Variants in RAB36 observed in about 807,000 individuals in gnomAD.
RAB36 encodes the protein RAB36, member RAS oncogene family.
In RAB36, 33 loss-of-function variants were observed where a neutral mutation model predicts 39.3. The observed-to-expected ratio is 0.84, with a 90% CI of 0.64 to 1.12. RAB36 has a LOEUF of 1.12. RAB36 is among the 50% of genes most tolerant of loss of function. RAB36 has a pLI of 0.00. For synonymous variants in RAB36, 133 were observed against 140.2 expected, an observed-to-expected ratio of 0.95 and a Z score of 0.36; for missense variants, 308 against 355.3, an observed-to-expected ratio of 0.87 and a Z score of 1.07.
chr22:23,148,788 T>C (rs2070944517), intron 2 of RAB36, among the ~76,000 whole-genome samples: 1 of 152,234 alleles, frequency 6.6e-6, no homozygotes, highest in East Asian at 1.9e-4. Context: ...CATCCTGTAA[T>C]GACCATTGTG....
intron 2 of RAB36, among the ~76,000 whole-genome samples, chr22:23,147,643 A>G (rs144971181): frequency 1.6e-4 from 25 of 152,274 alleles, no homozygotes; most frequent in African/African-American, 5.8e-4. Context: ...TTGCTATTCT[A>G]TTTCTAGGAA....
downstream of RAB36, among the ~76,000 whole-genome samples, chr22:23,168,062 G>A (rs181056494): frequency 5.2e-3 from 786 of 152,166 alleles, 4 homozygotes; most frequent in Admixed American, 9.6e-3. Flanking sequence ...GTGTTGCCCA[G>A]GCTGCACTAA....
At chr22:23,154,062 C>G (rs1018970332) in intron 5 of RAB36, among the ~76,000 whole-genome samples, 1 of 152,062 alleles carries the variant, frequency 6.6e-6, no homozygotes, top group African/African-American at 2.4e-5. Context: ...TACCCCTTCC[C>G]TCTGCCTTCC....
At chr22:23,161,378 G>T in intron 10 of RAB36, 122 bp from the exon 11 acceptor site, 1 of 917,450 alleles carries the variant, frequency 1.1e-6, no homozygotes, top group Non-Finnish European at 1.7e-6. Flanking sequence ...GGCCATTCAG[G>T]CCTTGAACAG....
In RAB36 at chr22:23,163,094, A is replaced by G. The variant is rs1295548349; in HGVS notation, c.*1530A>G. ...GCCTGGCTAATTTTGTATTTTTAGT[A>G]GAGATGGGGTTTCTCCATGTTGGTC... On this transcript the variant is annotated 3_prime_UTR_variant, in exon 11 of 11. Coordinates refer to ENST00000263116, the MANE Select transcript of RAB36 (RefSeq NM_004914.5). The G allele has an allele frequency of 8.8e-6, 2 of 228,522 alleles. No homozygotes were observed. The highest frequency in any genetic ancestry group is 1.7e-5 in the Non-Finnish European group (2 of 114,886). 14.2% of individuals were successfully genotyped at this position (228,522 alleles called of 1,614,324 possible).
chr22:23,152,892 G>C lies in RAB36; in HGVS notation c.228-141G>C, dbSNP rs1451710358. The C allele has an allele frequency of 6.1e-5, 41 of 671,006 alleles. No homozygotes were observed. In the Middle Eastern group the frequency reaches 7.4e-4, roughly 12 times the overall value. The allele number at this position is 671,006 out of a possible 1,614,324, so 41.6% of individuals were successfully genotyped here. ...CCACATTGTCCTTGCTGGCTGCCCT[G>C]CCCACCCATGGCCTGCGTGGACCAT... On this transcript the variant is annotated intron_variant, in intron 4 of 10. Transcript: ENST00000263116.
intron 5 of RAB36, among the ~76,000 whole-genome samples, chr22:23,153,791 C>T (rs911743486): frequency 6.2e-5 from 9 of 144,458 alleles, no homozygotes; most frequent in African/African-American, 1.0e-4. Context: ...CCACTTCAAG[C>T]GAATCACCTG....
chr22:23,146,925 A>C (rs1880275685), intron 2 of RAB36, among the ~76,000 whole-genome samples: 2 of 152,200 alleles, frequency 1.3e-5, no homozygotes, highest in Non-Finnish European at 2.9e-5. Flanking sequence ...GCAGCCAGAC[A>C]GTCCTTGATG....
rs1364263466 is a variant in RAB36 at position 23,165,176 on chromosome 22, C to T, written c.*3612C>T. Among the ~76,000 whole-genome samples, 2 of 152,334 alleles carry T rather than the reference C, an allele frequency of 1.3e-5. No individual in the cohort carries two copies. The highest frequency in any genetic ancestry group is 4.1e-4 in the South Asian group (2 of 4,824). On this transcript the variant is annotated 3_prime_UTR_variant, in exon 11 of 11. Transcript: ENST00000263116. ...TAGCACCTCTGGGAGGAAGGGCCCA[C>T]AGTAGGTGCTCAATAGATGTGTAAA...
downstream of RAB36, among the ~76,000 whole-genome samples, chr22:23,166,260 T>C (rs900538962): frequency 4.9e-4 from 67 of 136,272 alleles, no homozygotes; most frequent in African/African-American, 1.7e-3. Flanking sequence ...TTGGCCAAAA[T>C]GGGGCATTTT....
chr22:23,159,391 GC>G lies in RAB36; in HGVS notation c.619+141del, dbSNP rs1468606631. On this transcript the variant is annotated intron_variant, in intron 9 of 10. Coordinates refer to ENST00000263116, the MANE Select transcript of RAB36 (RefSeq NM_004914.5). ...GGCCCTGGTGCACACTGGCATCACA[GC>G]CCTGCTGTGCTGGTGCCTGGCAGCA... 11 of 827,470 alleles carry G rather than the reference GC, an allele frequency of 1.3e-5. No individual in the cohort carries two copies. The East Asian group carries it at 2.7e-4, about 20-fold the overall frequency. The allele number at this position is 827,470 out of a possible 1,614,324, so 51.3% of individuals were successfully genotyped here.
intron 8 of RAB36, 56 bp downstream of exon 8, chr22:23,159,035 C>T (rs1220969527): frequency 2.5e-6 from 4 of 1,591,464 alleles, no homozygotes; most frequent in African/African-American, 1.3e-5. Context: ...CCTCCCCTTA[C>T]AGCCCTCATT....
chr22:23,157,886 TG>T (rs934703328), intron 6 of RAB36, 105 bp from the exon 7 acceptor site: 4 of 1,580,348 alleles, frequency 2.5e-6, no homozygotes, highest in African/African-American at 1.3e-5. Flanking sequence ...AGTGCCTGGT[TG>T]GGGGGCTGCC....
At chr22:23,155,945 T>G in intron 5 of RAB36, 23 bp from the exon 6 acceptor site, 1 of 1,598,730 alleles carries the variant, frequency 6.3e-7, no homozygotes, top group Non-Finnish European at 8.5e-7. Context: ...ACCATTTCCC[T>G]TTCTTTCTCA....
intron 3 of RAB36, 107 bp downstream of exon 3, chr22:23,150,261 C>A: frequency 1.1e-6 from 1 of 896,838 alleles, no homozygotes; most frequent in Non-Finnish European, 1.8e-6. Flanking sequence ...GCTGGTGCAG[C>A]CCTGTACAGG....
chr22:23,160,139 C>T (rs947255894), intron 9 of RAB36, among the ~76,000 whole-genome samples: 5 of 152,156 alleles, frequency 3.3e-5, no homozygotes, highest in Non-Finnish European at 4.4e-5. Flanking sequence ...GATATCTAGT[C>T]GGAGACTGGG....
At chr22:23,158,825 C>T (rs890217666) in intron 7 of RAB36, 73 bp from the exon 8 acceptor site, 2 of 1,387,284 alleles carry the variant, frequency 1.4e-6, no homozygotes, top group African/African-American at 1.4e-5. Flanking sequence ...GGGGAGGTCC[C>T]AAGTGTGCCC....
downstream of RAB36, among the ~76,000 whole-genome samples, chr22:23,166,413 G>A (rs527661923): frequency 3.3e-5 from 5 of 152,026 alleles, no homozygotes; most frequent in South Asian, 1.0e-3. Flanking sequence ...ATGAAGGGCT[G>A]TGTCCCAATG....
chr22:23,162,498 A>G lies in RAB36; in HGVS notation c.*934A>G. 2.5e-6 allele frequency: 1 copy of G among 395,576 alleles called. No individual in the cohort carries two copies. 24.5% of individuals were successfully genotyped at this position (395,576 alleles called of 1,614,324 possible). ...TCTTAGGACCTTTGTAATGGTGTCC[A>G]TGCACCTTTAGAGGACTTCAGAGGC... On this transcript the variant is annotated 3_prime_UTR_variant, in exon 11 of 11. Transcript: ENST00000263116.
Sources: allele counts gnomAD v4.1 joint callset (sites outside exome capture counted in the v4.1 genomes callset), GRCh38; gene constraint gnomAD v4.1.1; transcripts MANE v1.5; gene names NCBI Gene and HGNC (gene_info 2026-07-23, HGNC 2026-07-21).